Variants in GSG1L observed in about 807,000 individuals in gnomAD.
The protein encoded by GSG1L is GSG1 like, also known as germ cell-specific gene 1-like protein.
A neutral mutation model predicts 42.1 loss-of-function variants in GSG1L; 24 were observed. The observed-to-expected ratio is 0.57, with a 90% CI of 0.41 to 0.80. GSG1L has a LOEUF of 0.80. Ranked by LOEUF, GSG1L falls within the 30% of genes least tolerant of loss-of-function variation. The probability of loss-of-function intolerance (pLI) is 0.00; values close to 1 mark genes in which losing one functional copy is unlikely to be tolerated. For synonymous variants in GSG1L, 215 were observed against 203.5 expected (o/e 1.06, Z -0.48); for missense variants, 445 against 472.2 (o/e 0.94, Z 0.53).
intron 3 of GSG1L, among the ~76,000 whole-genome samples, chr16:27,860,647 G>A (rs1190848286): frequency 6.6e-6 from 1 of 152,240 alleles, no homozygotes; most frequent in Admixed American, 6.5e-5. Flanking sequence ...TTCCCAATAT[G>A]GAGAATTTCC....
intron 2 of GSG1L, among the ~76,000 whole-genome samples, chr16:27,899,798 C>T (rs1373255075): frequency 1.3e-5 from 2 of 152,342 alleles, no homozygotes; most frequent in East Asian, 3.9e-4. Flanking sequence ...AATATGCTAG[C>T]TGTCCCCATT....
At chr16:27,820,768 C>T (rs713547) in intron 5 of GSG1L, among the ~76,000 whole-genome samples, 32,178 of 152,020 alleles carry the variant, frequency 0.21, 4,038 homozygotes, top group Admixed American at 0.37. Context: ...TCTCCTCTCT[C>T]TTAGAAGATA....
chr16:27,945,875 T>G (rs770311329), intron 2 of GSG1L, among the ~76,000 whole-genome samples: 4 of 152,218 alleles, frequency 2.6e-5, no homozygotes, highest in Admixed American at 6.5e-5. Context: ...GACAGATGGC[T>G]GCAAATGATG....
chr16:27,943,007 G>C (rs1287627447), intron 2 of GSG1L, among the ~76,000 whole-genome samples: 1 of 152,148 alleles, frequency 6.6e-6, no homozygotes, highest in Non-Finnish European at 1.5e-5. Flanking sequence ...TCTAGTTCAG[G>C]AGGTCCGTAG....
intron 1 of GSG1L, among the ~76,000 whole-genome samples, chr16:27,991,388 G>A (rs2085454198): frequency 1.3e-5 from 2 of 151,204 alleles, no homozygotes; most frequent in Non-Finnish European, 2.9e-5. Flanking sequence ...TAGTATTTGT[G>A]TGCATTATAT....
intron 1 of GSG1L, among the ~76,000 whole-genome samples, chr16:27,967,530 G>A (rs1328245108): frequency 6.6e-6 from 1 of 152,190 alleles, no homozygotes; most frequent in African/African-American, 2.4e-5. Flanking sequence ...CAGGGCAGCT[G>A]AGGGACCATC....
Position 28,063,021 on chromosome 16 carries a change from C to T in GSG1L, c.349+55G>A. ...GGGTCCGGGGCTCGGGCCTCGATGG[C>T]CGCGCCGCCCCGGGGGAGCCGGAGC... is the stretch of plus-strand genomic sequence containing the variant. On this transcript the variant is annotated intron_variant, in intron 1 of 6. Transcript: ENST00000447459. This position sits in a 1 kb window ranked among gnomAD's most constrained non-coding sequence, Gnocchi z 5.8. 7.5e-7 allele frequency: 1 copy of T among 1,326,620 alleles called. No homozygotes were observed. The highest frequency in any genetic ancestry group is 9.6e-7 in the Non-Finnish European group (1 of 1,037,940). 82.2% of individuals were successfully genotyped at this position (1,326,620 alleles called of 1,614,324 possible).
At chr16:27,961,787 C>T (rs1208015261) in intron 2 of GSG1L, among the ~76,000 whole-genome samples, 1 of 152,114 alleles carries the variant, frequency 6.6e-6, no homozygotes, top group Non-Finnish European at 1.5e-5. Flanking sequence ...ATGGGGACAT[C>T]AAAGAAATGG....
chr16:28,022,030 G>A lies in GSG1L; in HGVS notation c.349+41046C>T, dbSNP rs143688983. The stretch of plus-strand genomic sequence containing the variant: ...CAGCAACAGAATACACTGTGATTCC[G>A]TTAATGTGAATACAAAACCAAATAG... On this transcript the variant is annotated intron_variant, in intron 1 of 6. Coordinates refer to ENST00000447459, the MANE Select transcript of GSG1L (RefSeq NM_001109763.2). 4.6e-3 allele frequency among the ~76,000 whole-genome samples: 695 copies of A among 152,294 alleles called. 9 individuals are homozygous for A. The highest frequency in any genetic ancestry group is 0.016 in the African/African-American group (647 of 41,560).
intron 1 of GSG1L, among the ~76,000 whole-genome samples, chr16:28,006,341 C>G (rs2141149868): frequency 7.2e-6 from 1 of 139,252 alleles, no homozygotes; most frequent in Non-Finnish European, 1.6e-5. Flanking sequence ...CAGAGTCTCG[C>G]TCTGTCACCC....
chr16:27,975,557 C>T (rs765959453), intron 1 of GSG1L, among the ~76,000 whole-genome samples: 7 of 152,178 alleles, frequency 4.6e-5, no homozygotes, highest in Non-Finnish European at 7.3e-5. Context: ...CCTCTGCTTT[C>T]GGATCTATTT....
chr16:28,029,607 A>G (rs866415854), intron 1 of GSG1L, among the ~76,000 whole-genome samples: 1 of 129,262 alleles, frequency 7.7e-6, no homozygotes, highest in South Asian at 3.2e-4. Context: ...ATGGATGCAC[A>G]GGTGGATGAA....
chr16:27,799,982 C>G (rs1225227607), intron 6 of GSG1L, among the ~76,000 whole-genome samples: 1 of 152,032 alleles, frequency 6.6e-6, no homozygotes, highest in Admixed American at 6.5e-5. Flanking sequence ...GCTGCGGAAC[C>G]CTGGGTCCCC....
intron 3 of GSG1L, among the ~76,000 whole-genome samples, chr16:27,870,711 G>A (rs1456325813): frequency 2.0e-5 from 3 of 151,428 alleles, no homozygotes; most frequent in African/African-American, 7.4e-5. Flanking sequence ...TGCCCTCATG[G>A]GATGACTCCC....
intron 1 of GSG1L, among the ~76,000 whole-genome samples, chr16:28,012,584 C>CAA (rs34111031): frequency 6.8e-4 from 102 of 149,272 alleles, no homozygotes; most frequent in African/African-American, 1.4e-3. Context: ...AAATTTTATA[C>CAA]AAAAAAAAAA....
At chr16:27,908,046 A>G (rs994693728) in intron 2 of GSG1L, among the ~76,000 whole-genome samples, 3 of 152,092 alleles carry the variant, frequency 2.0e-5, no homozygotes, top group Non-Finnish European at 4.4e-5. Flanking sequence ...CCCTTTTAAA[A>G]TACTCTCCCA....
At chr16:27,849,250 A>T (rs1191010642) in intron 3 of GSG1L, among the ~76,000 whole-genome samples, 1 of 150,774 alleles carries the variant, frequency 6.6e-6, no homozygotes, top group Non-Finnish European at 1.5e-5. Flanking sequence ...GGGATGTGTC[A>T]GATGGAGTCA....
intron 1 of GSG1L, among the ~76,000 whole-genome samples, chr16:28,022,831 C>T (rs913450805): frequency 6.6e-6 from 1 of 152,064 alleles, no homozygotes; most frequent in African/African-American, 2.4e-5. Flanking sequence ...CTGTGCCTGG[C>T]TAATTTTTGT....
chr16:27,992,889 C>T (rs571906304), intron 1 of GSG1L, among the ~76,000 whole-genome samples: 1 of 152,238 alleles, frequency 6.6e-6, no homozygotes, highest in South Asian at 2.1e-4. Flanking sequence ...ACATCCTCCA[C>T]CTTATAACTA....
Sources: allele counts gnomAD v4.1 joint callset (sites outside exome capture counted in the v4.1 genomes callset), GRCh38; gene constraint gnomAD v4.1.1; non-coding constraint Gnocchi (gnomAD v3.1); transcripts MANE v1.5; gene names NCBI Gene and HGNC (gene_info 2026-07-23, HGNC 2026-07-21).